TASP1: variants seen among roughly 807,000 people sequenced by gnomAD.
TASP1 encodes the protein taspase 1, also known as threonine aspartase 1.
TASP1 carries 16 observed loss-of-function variants against 56.6 expected under a neutral mutation model. That is an observed-to-expected ratio of 0.28 (90% CI 0.19 to 0.43). The LOEUF (loss-of-function observed/expected upper bound fraction) is 0.43. Among genes scored for constraint, TASP1 ranks in the 20% least tolerant of loss-of-function variants. The pLI, the probability that TASP1 is intolerant of heterozygous loss-of-function variation, is 1.00. For missense variants in TASP1, 393 were observed against 511.6 expected (o/e 0.77, Z 2.24); for synonymous variants, 179 against 184.2 (o/e 0.97, Z 0.23).
At chr20:13,276,296 G>A in the TASP1 span, among the ~76,000 whole-genome samples, 7 of 152,312 alleles carry the variant, frequency 4.6e-5, no homozygotes, top group East Asian at 1.9e-4. Context: ...TCTCAGTGGC[G>A]TTGGTTTATT....
chr20:13,379,064 G>A, the TASP1 span, among the ~76,000 whole-genome samples: 1 of 152,104 alleles, frequency 6.6e-6, no homozygotes, highest in Non-Finnish European at 1.5e-5. Flanking sequence ...GGGGCATTTA[G>A]CCCATTTACA....
chr20:13,598,919 A>G (rs1300843811), intron 4 of TASP1, among the ~76,000 whole-genome samples: 4 of 152,246 alleles, frequency 2.6e-5, no homozygotes, highest in African/African-American at 7.2e-5. Context: ...CAACAGACAC[A>G]TGAAAAAATG....
chr20:13,148,384 C>T, the TASP1 span, among the ~76,000 whole-genome samples: 1 of 152,136 alleles, frequency 6.6e-6, no homozygotes, highest in South Asian at 2.1e-4. Flanking sequence ...AGGTCATCAG[C>T]CAAGATAGGT....
intron 10 of TASP1, among the ~76,000 whole-genome samples, chr20:13,499,296 C>T (rs756529062): frequency 3.3e-5 from 5 of 151,784 alleles, no homozygotes; most frequent in Admixed American, 6.6e-5. Context: ...ACAATAGACA[C>T]CAGGGACTAC....
the TASP1 span, among the ~76,000 whole-genome samples, chr20:13,198,356 G>A: frequency 7.2e-5 from 11 of 152,240 alleles, no homozygotes; most frequent in South Asian, 1.5e-3. Context: ...CTGACTTCTC[G>A]TTGTATCCCA....
chr20:13,128,746 A>G, the TASP1 span, among the ~76,000 whole-genome samples: 1 of 151,998 alleles, frequency 6.6e-6, no homozygotes, highest in Non-Finnish European at 1.5e-5. Context: ...GCTGAAGGGC[A>G]GTGACATGAT....
chr20:13,495,084 C>T (rs6109913), intron 10 of TASP1, among the ~76,000 whole-genome samples: 33,601 of 151,848 alleles, frequency 0.22, 3,816 homozygotes, highest in Middle Eastern at 0.29. Flanking sequence ...ATAAGCAAGA[C>T]AGTTATACTA....
At chr20:13,407,726 C>A (rs572172754) in intron 13 of TASP1, among the ~76,000 whole-genome samples, 1 of 152,290 alleles carries the variant, frequency 6.6e-6, no homozygotes, top group Non-Finnish European at 1.5e-5. Context: ...TTCTCCACAT[C>A]CTCACCAAGA....
At chr20:13,460,414 A>G (rs1173723183) in intron 11 of TASP1, among the ~76,000 whole-genome samples, 1 of 152,076 alleles carries the variant, frequency 6.6e-6, no homozygotes, top group Non-Finnish European at 1.5e-5. Context: ...TTTTATCTGC[A>G]TCGATTTTCC....
the TASP1 span, among the ~76,000 whole-genome samples, chr20:13,221,245 T>C: frequency 2.9e-5 from 4 of 136,438 alleles, no homozygotes; most frequent in African/African-American, 1.1e-4. Context: ...CTCCTCCTCC[T>C]CCTCCTCCTC....
At chr20:13,302,022 A>ACT in the TASP1 span, among the ~76,000 whole-genome samples, 21 of 152,294 alleles carry the variant, frequency 1.4e-4, no homozygotes, top group African/African-American at 5.1e-4. Flanking sequence ...AAAGCAAAGA[A>ACT]ATAGGTAAGT....
the TASP1 span, among the ~76,000 whole-genome samples, chr20:13,317,570 T>A: frequency 6.6e-6 from 1 of 152,052 alleles, no homozygotes; most frequent in Admixed American, 6.5e-5. Flanking sequence ...ATCAAGACAG[T>A]GTAGTACTGA....
chr20:13,334,608 T>C, the TASP1 span, among the ~76,000 whole-genome samples: 95 of 152,340 alleles, frequency 6.2e-4, no homozygotes, highest in African/African-American at 2.2e-3. Context: ...TAAGTACACA[T>C]AGGCTATGAG....
At chr20:13,625,696 C>A (rs141262638) in intron 2 of TASP1, among the ~76,000 whole-genome samples, 2 of 152,320 alleles carry the variant, frequency 1.3e-5, no homozygotes, top group Non-Finnish European at 1.5e-5. Context: ...AAAGCTGAAT[C>A]GCTTCTGAAT....
At chr20:13,108,305 T>C in the TASP1 span, among the ~76,000 whole-genome samples, 2 of 152,222 alleles carry the variant, frequency 1.3e-5, no homozygotes, top group Non-Finnish European at 2.9e-5. Flanking sequence ...TTCAAAGAAC[T>C]ATCTTGTGGC....
At chr20:13,493,529 G>A (rs942565359) in intron 10 of TASP1, among the ~76,000 whole-genome samples, 7 of 152,138 alleles carry the variant, frequency 4.6e-5, no homozygotes, top group Non-Finnish European at 1.0e-4. Context: ...TCAGCCTTTG[G>A]ATTCCTGCAC....
At chr20:13,415,391 T>C (rs1374793174) in intron 13 of TASP1, among the ~76,000 whole-genome samples, 4 of 151,986 alleles carry the variant, frequency 2.6e-5, no homozygotes, top group African/African-American at 9.7e-5. Context: ...ATTTTTCTTT[T>C]TGATCAATAA....
the TASP1 span, among the ~76,000 whole-genome samples, chr20:13,230,877 G>A: frequency 3.3e-5 from 5 of 152,038 alleles, no homozygotes. Flanking sequence ...TTCTTTCTGT[G>A]GCTTATCAGT....
At chr20:13,326,613 A>T in the TASP1 span, among the ~76,000 whole-genome samples, 1 of 152,112 alleles carries the variant, frequency 6.6e-6, no homozygotes, top group Non-Finnish European at 1.5e-5. Flanking sequence ...GCGTTTCATG[A>T]TGTTGAGCAT....
Sources: gnomAD v4.1 joint callset for allele counts (sites outside exome capture counted in the v4.1 genomes callset) on GRCh38, gnomAD v4.1.1 for gene constraint, MANE v1.5 for transcripts, NCBI Gene and HGNC (gene_info 2026-07-23, HGNC 2026-07-21) for gene names.